Variants in ESCO1 observed in about 807,000 individuals in gnomAD.
ESCO1 encodes establishment of sister chromatid cohesion N-acetyltransferase 1.
In ESCO1, 33 loss-of-function variants were observed where a neutral mutation model predicts 83.5. The ratio of observed to expected loss-of-function variants is 0.40; its 90% CI spans 0.30 to 0.53. The LOEUF is 0.53. Ranked by LOEUF, ESCO1 falls within the 20% of genes least tolerant of loss-of-function variation. ESCO1 has a pLI of 0.63. For missense variants in ESCO1, 855 were observed against 968.0 expected (o/e 0.88, Z 1.55); for synonymous variants, 332 against 324.3 (o/e 1.02, Z -0.25).
chr18:21,563,403 A>G (rs994837393), intron 7 of ESCO1, among the ~76,000 whole-genome samples: 1 of 152,186 alleles, frequency 6.6e-6, no homozygotes, highest in Non-Finnish European at 1.5e-5. Flanking sequence ...GCTGGAGTGC[A>G]ATGGCACCAT....
At chr18:21,592,815 G>A in intron 1 of ESCO1, among the ~76,000 whole-genome samples, 1 of 147,912 alleles carries the variant, frequency 6.8e-6, no homozygotes, top group South Asian at 2.1e-4. Flanking sequence ...CCGGGCGGAG[G>A]GGCTCCTCAC....
intron 3 of ESCO1, 42 bp from the exon 4 acceptor site, chr18:21,575,472 T>C (rs2038407394): frequency 7.5e-6 from 3 of 398,318 alleles, no homozygotes; most frequent in Non-Finnish European, 8.9e-6. Flanking sequence ...GTACAATCCA[T>C]GAAATATGTC....
intron 8 of ESCO1, among the ~76,000 whole-genome samples, chr18:21,556,936 A>T (rs2038120931): frequency 6.6e-6 from 1 of 152,132 alleles, no homozygotes; most frequent in African/African-American, 2.4e-5. Flanking sequence ...CCTGATCTCA[A>T]GTGATCCACC....
intron 4 of ESCO1, among the ~76,000 whole-genome samples, chr18:21,569,631 G>GCTA (rs1198482735): frequency 6.6e-6 from 1 of 152,102 alleles, no homozygotes; most frequent in Non-Finnish European, 1.5e-5. Context: ...TGTAATCCCA[G>GCTA]CTACTTGGGA....
intron 1 of ESCO1, among the ~76,000 whole-genome samples, chr18:21,594,658 C>G (rs1295933840): frequency 6.6e-6 from 1 of 150,922 alleles, no homozygotes; most frequent in Admixed American, 6.6e-5. Flanking sequence ...GAGCTGAGAT[C>G]GCACCACTGA....
chr18:21,592,573 C>T (rs1437449674), intron 1 of ESCO1, among the ~76,000 whole-genome samples: 3 of 149,212 alleles, frequency 2.0e-5, no homozygotes, highest in Admixed American at 1.3e-4. Context: ...CCACCTCCCT[C>T]CCGGACGGGG....
chr18:21,570,900 CCAGGAGGCGGAGCCTG>C (rs1409217196), intron 4 of ESCO1, among the ~76,000 whole-genome samples: 1 of 151,908 alleles, frequency 6.6e-6, no homozygotes, highest in East Asian at 1.9e-4. Flanking sequence ...TGGCGTGAAC[CCAGGAGGCGGAGCCTG>C]CAGTGAGCCG....
At chr18:21,577,386 G>T (rs1479806954) in intron 2 of ESCO1, among the ~76,000 whole-genome samples, 1 of 80,994 alleles carries the variant, frequency 1.2e-5, no homozygotes, top group African/African-American at 5.5e-5. Flanking sequence ...AAAAAAAAAA[G>T]GCTGGGCTCA....
chr18:21,562,794 T>G (rs1431567790), intron 7 of ESCO1, among the ~76,000 whole-genome samples: 3 of 152,162 alleles, frequency 2.0e-5, no homozygotes, highest in Admixed American at 6.6e-5. Context: ...TCCTGTAATT[T>G]AAAATGTAAC....
chr18:21,587,847 C>T (rs1037369287), intron 1 of ESCO1, among the ~76,000 whole-genome samples: 2 of 151,898 alleles, frequency 1.3e-5, no homozygotes, highest in Non-Finnish European at 2.9e-5. Context: ...GCGGGAGGAT[C>T]ACTTGAGGCC....
chr18:21,530,511 G>A, intron 11 of ESCO1, 21 bp from the exon 12 acceptor site: 7 of 1,443,696 alleles, frequency 4.8e-6, no homozygotes, highest in South Asian at 3.9e-5. Context: ...AAAATGGGGG[G>A]GGGGAAGGGT....
At chr18:21,593,827 A>C (rs1598482290) in intron 1 of ESCO1, among the ~76,000 whole-genome samples, 1 of 134,536 alleles carries the variant, frequency 7.4e-6, no homozygotes, top group Non-Finnish European at 1.6e-5. Flanking sequence ...AAAAAAAAAA[A>C]CCTTAGACAA....
chr18:21,537,984 C>A (rs1291636832), intron 9 of ESCO1, among the ~76,000 whole-genome samples: 2 of 150,588 alleles, frequency 1.3e-5, no homozygotes, highest in African/African-American at 4.9e-5. Context: ...AGCAGATGAA[C>A]CATGTAGCCT....
intron 9 of ESCO1, among the ~76,000 whole-genome samples, chr18:21,537,494 C>T (rs917302811): frequency 6.6e-5 from 10 of 152,124 alleles, no homozygotes; most frequent in Non-Finnish European, 8.8e-5. Context: ...ATGATCACAC[C>T]ACTGCACTCC....
At chr18:21,554,729 T>C (rs1439962532) in intron 8 of ESCO1, among the ~76,000 whole-genome samples, 1 of 152,020 alleles carries the variant, frequency 6.6e-6, no homozygotes, top group African/African-American at 2.4e-5. Context: ...GCCAACACAG[T>C]GAAACCCCAT....
intron 4 of ESCO1, among the ~76,000 whole-genome samples, chr18:21,570,218 C>T (rs1319026552): frequency 1.3e-5 from 2 of 152,192 alleles, no homozygotes; most frequent in Non-Finnish European, 2.9e-5. Flanking sequence ...CCGCCTCAGC[C>T]TCCCAAGTAG....
intron 1 of ESCO1, among the ~76,000 whole-genome samples, chr18:21,596,691 T>G (rs138931484): frequency 3.6e-4 from 54 of 151,854 alleles, no homozygotes; most frequent in African/African-American, 1.2e-3. Flanking sequence ...AAAAACTAGC[T>G]AGGCATGATG....
chr18:21,530,577 G>T, intron 11 of ESCO1, 87 bp from the exon 12 acceptor site: 1 of 1,296,764 alleles, frequency 7.7e-7, no homozygotes, highest in Non-Finnish European at 1.0e-6. Flanking sequence ...GGAATAACCT[G>T]TCAAATACAA....
At chr18:21,532,745 T>C (rs1301982622) in intron 10 of ESCO1, 85 bp from the exon 11 acceptor site, 3 of 1,301,166 alleles carry the variant, frequency 2.3e-6, no homozygotes, top group Non-Finnish European at 2.1e-6. Flanking sequence ...GGTTATGACA[T>C]TTGACTGGCT....
Sources: allele counts gnomAD v4.1 joint callset (sites outside exome capture counted in the v4.1 genomes callset), GRCh38; gene constraint gnomAD v4.1.1; transcripts MANE v1.5; gene names NCBI Gene and HGNC (gene_info 2026-07-23, HGNC 2026-07-21).